The following CFAP77 variants were observed in gnomAD, a reference collection of about 807,000 sequenced individuals.
CFAP77 encodes cilia- and flagella-associated protein 77.
In CFAP77, 25 loss-of-function variants were observed where a neutral mutation model predicts 31.1. The observed-to-expected ratio is 0.80, with a 90% CI of 0.59 to 1.12. CFAP77 has a LOEUF of 1.12. CFAP77 is among the 50% of genes most tolerant of loss of function. CFAP77 has a pLI of 0.00. For synonymous variants in CFAP77, 151 were observed against 159.9 expected (o/e 0.94, Z 0.42); for missense variants, 377 against 397.3 (o/e 0.95, Z 0.44).
intron 1 of CFAP77, among the ~76,000 whole-genome samples, chr9:132,469,096 C>T (rs1038919641): frequency 2.0e-5 from 3 of 150,736 alleles, no homozygotes; most frequent in African/African-American, 7.3e-5. Flanking sequence ...AAAAGGCATG[C>T]TCCCTTGTTA....
intron 1 of CFAP77, among the ~76,000 whole-genome samples, chr9:132,431,511 T>C (rs963910691): frequency 5.3e-5 from 8 of 152,176 alleles, no homozygotes; most frequent in African/African-American, 1.9e-4. Flanking sequence ...GAAAAATATG[T>C]TCTCGATGAA....
intron 1 of CFAP77, among the ~76,000 whole-genome samples, chr9:132,489,833 C>T (rs10122608): frequency 0.26 from 38,982 of 151,974 alleles, 5,216 homozygotes; most frequent in East Asian, 0.5. Context: ...GATGGGGCAC[C>T]GGGTGGCTGA....
intron 5 of CFAP77, 38 bp from the exon 6 acceptor site, chr9:132,572,350 T>C (rs1589932577): frequency 6.2e-7 from 1 of 1,600,978 alleles, no homozygotes; most frequent in African/African-American, 1.3e-5. Context: ...TACACTGAAG[T>C]CTCCCCTCAC....
At chr9:132,469,656 AC>A (rs1480409915) in intron 1 of CFAP77, among the ~76,000 whole-genome samples, 5 of 151,994 alleles carry the variant, frequency 3.3e-5, no homozygotes, top group Non-Finnish European at 5.9e-5. Context: ...TCATTTGCCC[AC>A]CTTTTTAAAA....
In CFAP77 at chr9:132,517,462, C is replaced by T. The variant is rs1027261448; in HGVS notation, c.524+17862C>T. ...AAAAAAATCGCCTCTGGCTACTAAA[C>T]CGAATTAGTAGTCACTGATGACCAA... On this transcript the variant is annotated intron_variant, in intron 3 of 5. Coordinates refer to ENST00000393216, the MANE Select transcript of CFAP77 (RefSeq NM_001282957.2). This position sits in a 1 kb window ranked among gnomAD's most constrained non-coding sequence, Gnocchi z 4.7. 2.6e-5 allele frequency among the ~76,000 whole-genome samples: 4 copies of T among 152,210 alleles called. No homozygotes were observed. The East Asian group carries it at 5.8e-4, about 22-fold the overall frequency.
chr9:132,417,749 C>G (rs934008857), intron 1 of CFAP77, among the ~76,000 whole-genome samples: 2 of 152,224 alleles, frequency 1.3e-5, no homozygotes, highest in Non-Finnish European at 1.5e-5. Flanking sequence ...TTGTTATTTT[C>G]CATTATCCCG....
Position 132,564,056 on chromosome 9 carries a change from C to G in CFAP77, c.733-8332C>G, listed in dbSNP as rs1249002433. Among the ~76,000 whole-genome samples the G allele has an allele frequency of 6.6e-6, 1 of 152,188 alleles. No individual in the cohort carries two copies. Among genetic ancestry groups the G allele is most frequent in the African/African-American group, 2.4e-5 (1 of 41,454 alleles). On this transcript the variant is annotated intron_variant, in intron 5 of 5. Coordinates refer to ENST00000393216, the MANE Select transcript of CFAP77 (RefSeq NM_001282957.2). This position sits in a 1 kb window ranked among gnomAD's most constrained non-coding sequence, Gnocchi z 4.6. The stretch of plus-strand genomic sequence containing the variant: ...GGAGTCTCTGTATCATAAGCTCTTA[C>G]AGAACCTTGTACTTCTTTTAATACA...
intron 1 of CFAP77, among the ~76,000 whole-genome samples, chr9:132,418,486 G>T (rs1850148118): frequency 6.6e-6 from 1 of 152,228 alleles, no homozygotes; most frequent in Admixed American, 6.5e-5. Flanking sequence ...CTCTAGAAAT[G>T]AGCCGGTTTG....
intron 3 of CFAP77, among the ~76,000 whole-genome samples, chr9:132,507,186 C>T (rs781271954): frequency 2.4e-4 from 37 of 152,242 alleles, no homozygotes; most frequent in South Asian, 6.2e-4. Flanking sequence ...ACTTTCACCA[C>T]GCTGGATGCT....
chr9:132,514,511 C>T (rs959136986), intron 3 of CFAP77, among the ~76,000 whole-genome samples: 1 of 152,206 alleles, frequency 6.6e-6, no homozygotes, highest in African/African-American at 2.4e-5. Context: ...CCAGGATCCC[C>T]CTGCCCAGTC....
At chr9:132,459,396 A>T (rs112642851) in intron 1 of CFAP77, among the ~76,000 whole-genome samples, 2,893 of 150,614 alleles carry the variant, frequency 0.019, 91 homozygotes, top group African/African-American at 0.067. Flanking sequence ...TATCCCATGC[A>T]CCTAATGTGG....
At chr9:132,566,442 C>T (rs1313197866) in intron 5 of CFAP77, among the ~76,000 whole-genome samples, 2 of 152,202 alleles carry the variant, frequency 1.3e-5, no homozygotes, top group Non-Finnish European at 2.9e-5. Flanking sequence ...GCACAGCGCC[C>T]AGCAAATAAG....
rs900385899 is a variant in CFAP77 at position 132,545,986 on chromosome 9, TC to T, written c.732+2940del. The stretch of plus-strand genomic sequence containing the variant: ...TTAATTAACTGGGCAATTTTTTTCA[TC>T]TTGCTCAGTAAAATGTGAGCCCCCC... On this transcript the variant is annotated intron_variant, in intron 5 of 5. Transcript: ENST00000393216. The surrounding 1 kb of genome is among the most constrained non-coding windows in gnomAD (Gnocchi z 4.6). Among the ~76,000 whole-genome samples the T allele has an allele frequency of 6.6e-6, 1 of 152,164 alleles. No homozygotes were observed. Among genetic ancestry groups the T allele is most frequent in the African/African-American group, 2.4e-5 (1 of 41,422 alleles).
At chr9:132,530,378 C>T (rs539623767) in intron 3 of CFAP77, among the ~76,000 whole-genome samples, 248 of 151,830 alleles carry the variant, frequency 1.6e-3, no homozygotes, top group Non-Finnish European at 2.9e-3. Flanking sequence ...CAGGTTCAAG[C>T]GATTCTTGTG....
intron 3 of CFAP77, among the ~76,000 whole-genome samples, chr9:132,513,772 C>T (rs910090052): frequency 3.3e-5 from 5 of 152,228 alleles, no homozygotes; most frequent in East Asian, 1.9e-4. Context: ...TTGATGTCCA[C>T]GAGCAGAGCT....
At chr9:132,425,581 T>C (rs1057163054) in intron 1 of CFAP77, among the ~76,000 whole-genome samples, 4 of 152,188 alleles carry the variant, frequency 2.6e-5, no homozygotes, top group Admixed American at 1.3e-4. Flanking sequence ...GCTTGTGTTT[T>C]TTCCCCCCCG....
intron 1 of CFAP77, among the ~76,000 whole-genome samples, chr9:132,450,137 A>G (rs1240254317): frequency 1.3e-5 from 2 of 151,598 alleles, no homozygotes; most frequent in African/African-American, 2.4e-5. Flanking sequence ...TCATCGTGGT[A>G]GCCAGGATGG....
intron 3 of CFAP77, among the ~76,000 whole-genome samples, chr9:132,521,129 G>T (rs1852256626): frequency 6.6e-6 from 1 of 152,006 alleles, no homozygotes; most frequent in South Asian, 2.1e-4. Flanking sequence ...TGCCGGCCTG[G>T]CCGGGCTCTC....
intron 5 of CFAP77, among the ~76,000 whole-genome samples, chr9:132,568,646 C>T (rs1018081040): frequency 4.0e-5 from 6 of 151,832 alleles, no homozygotes; most frequent in Admixed American, 2.6e-4. Flanking sequence ...AGGGTTCCCA[C>T]CAAAAAAATC....
Sources: allele counts gnomAD v4.1 joint callset (sites outside exome capture counted in the v4.1 genomes callset), GRCh38; gene constraint gnomAD v4.1.1; non-coding constraint Gnocchi (gnomAD v3.1); transcripts MANE v1.5; gene names NCBI Gene and HGNC (gene_info 2026-07-23, HGNC 2026-07-21).